QTMAN: variants seen among roughly 807,000 people sequenced by gnomAD.
QTMAN encodes tRNA-queuosine alpha-mannosyltransferase.
chr2:143,974,364 A>G, the QTMAN span, among the ~76,000 whole-genome samples: 2 of 152,204 alleles, frequency 1.3e-5, no homozygotes, highest in Non-Finnish European at 2.9e-5. Flanking sequence ...AAAATAATTA[A>G]AGATGTGCAC....
At chr2:144,324,483 C>T in the QTMAN span, among the ~76,000 whole-genome samples, 1 of 152,096 alleles carries the variant, frequency 6.6e-6, no homozygotes, top group African/African-American at 2.4e-5. Flanking sequence ...AACTGAAACT[C>T]GGAGCAGTTA....
chr2:144,028,610 C>T, the QTMAN span, among the ~76,000 whole-genome samples: 2 of 152,106 alleles, frequency 1.3e-5, no homozygotes, highest in Non-Finnish European at 2.9e-5. Flanking sequence ...CACGCTTCCA[C>T]CGATGAGCAG....
At chr2:144,058,212 AT>A in the QTMAN span, among the ~76,000 whole-genome samples, 1 of 133,578 alleles carries the variant, frequency 7.5e-6, no homozygotes, top group East Asian at 2.3e-4. Flanking sequence ...TCTCTTTGGG[AT>A]TTTCCTCTTC....
the QTMAN span, among the ~76,000 whole-genome samples, chr2:143,984,085 C>T: frequency 2.0e-5 from 3 of 152,136 alleles, no homozygotes; most frequent in Non-Finnish European, 4.4e-5. Flanking sequence ...CCAAATATGT[C>T]TTTCTTTTCC....
At chr2:144,009,737 A>G in the QTMAN span, among the ~76,000 whole-genome samples, 32 of 152,122 alleles carry the variant, frequency 2.1e-4, no homozygotes, top group African/African-American at 7.5e-4. Flanking sequence ...TATAGTTTCA[A>G]ACTGCATAGG....
the QTMAN span, among the ~76,000 whole-genome samples, chr2:144,028,470 A>C: frequency 6.6e-6 from 1 of 152,216 alleles, no homozygotes; most frequent in African/African-American, 2.4e-5. Context: ...AGATTTTTAA[A>C]GTTACAGTCA....
chr2:144,215,956 C>A, the QTMAN span, among the ~76,000 whole-genome samples: 1 of 152,094 alleles, frequency 6.6e-6, no homozygotes, highest in Non-Finnish European at 1.5e-5. Context: ...AATCCAAGGC[C>A]CAACACATGG....
the QTMAN span, among the ~76,000 whole-genome samples, chr2:143,979,177 C>T: frequency 2.7e-5 from 4 of 150,864 alleles, no homozygotes; most frequent in Non-Finnish European, 5.9e-5. Flanking sequence ...AAAAACAAAA[C>T]CCTCACTGGA....
At chr2:144,016,302 CCTAA>C in the QTMAN span, among the ~76,000 whole-genome samples, 5 of 152,082 alleles carry the variant, frequency 3.3e-5, no homozygotes, top group African/African-American at 9.7e-5. Context: ...ACTCAAATGA[CCTAA>C]CTTTTTTCAA....
chr2:144,172,622 A>C, the QTMAN span, among the ~76,000 whole-genome samples: 14 of 104,150 alleles, frequency 1.3e-4, no homozygotes, highest in African/African-American at 9.0e-4. Flanking sequence ...AGACTCTGTC[A>C]AAAAAAAAAA....
At chr2:144,264,115 T>C in the QTMAN span, among the ~76,000 whole-genome samples, 15 of 152,168 alleles carry the variant, frequency 9.9e-5, no homozygotes, top group Admixed American at 2.6e-4. Flanking sequence ...GTACCTCATG[T>C]TTAAAATGCA....
the QTMAN span, among the ~76,000 whole-genome samples, chr2:144,154,824 C>T: frequency 6.6e-6 from 1 of 152,208 alleles, no homozygotes; most frequent in Admixed American, 6.5e-5. Context: ...GCAGCTATCA[C>T]TCTGGATTTT....
the QTMAN span, among the ~76,000 whole-genome samples, chr2:144,051,920 T>C: frequency 6.6e-6 from 1 of 152,248 alleles, no homozygotes; most frequent in Non-Finnish European, 1.5e-5. Flanking sequence ...CAGGTTCAAC[T>C]TTACTCTCTC....
the QTMAN span, among the ~76,000 whole-genome samples, chr2:144,052,663 T>G: frequency 3.9e-5 from 6 of 152,198 alleles, no homozygotes; most frequent in African/African-American, 1.4e-4. Flanking sequence ...TATTTTTTAT[T>G]TTTTTGAGAT....
At chr2:143,991,732 G>A in the QTMAN span, among the ~76,000 whole-genome samples, 1 of 144,500 alleles carries the variant, frequency 6.9e-6, no homozygotes, top group Admixed American at 6.7e-5. Context: ...CCGGGAGGGA[G>A]GTGGGGGGGT....
At chr2:144,118,130 GC>G in the QTMAN span, among the ~76,000 whole-genome samples, 1 of 152,156 alleles carries the variant, frequency 6.6e-6, no homozygotes, top group Non-Finnish European at 1.5e-5. Flanking sequence ...ACAAGCATGA[GC>G]CACCGTGCAG....
chr2:143,998,870 C>T, the QTMAN span, among the ~76,000 whole-genome samples: 2 of 152,024 alleles, frequency 1.3e-5, no homozygotes, highest in African/African-American at 4.8e-5. Context: ...AACCAAGAAA[C>T]CATAGGCTTT....
chr2:144,200,355 T>C, the QTMAN span, among the ~76,000 whole-genome samples: 1 of 152,248 alleles, frequency 6.6e-6, no homozygotes, highest in South Asian at 2.1e-4. Context: ...GGGTGGCCAC[T>C]GTCAAAACTA....
At chr2:144,174,235 C>T in the QTMAN span, among the ~76,000 whole-genome samples, 1 of 152,060 alleles carries the variant, frequency 6.6e-6, no homozygotes, top group African/African-American at 2.4e-5. Flanking sequence ...CCTTTATGTA[C>T]CCAGATGCTT....
Sources: gnomAD v4.1 joint callset for allele counts (sites outside exome capture counted in the v4.1 genomes callset) on GRCh38, gnomAD v4.1.1 for gene constraint, MANE v1.5 for transcripts, NCBI Gene and HGNC (gene_info 2026-07-23, HGNC 2026-07-21) for gene names.